GCLC: variants seen among roughly 807,000 people sequenced by gnomAD.
GCLC encodes glutamate-cysteine ligase catalytic subunit, also known as glutamate--cysteine ligase catalytic subunit.
Under a neutral mutation model 81.5 loss-of-function variants are expected in GCLC, and 30 were observed. The observed-to-expected ratio is 0.37, with a 90% CI of 0.28 to 0.50. GCLC has a LOEUF of 0.50. Ranked by LOEUF, GCLC falls within the 20% of genes least tolerant of loss-of-function variation. The pLI is 0.96. For synonymous variants in GCLC, 262 were observed against 273.3 expected (o/e 0.96, Z 0.41); for missense variants, 556 against 777.4 (o/e 0.72, Z 3.39).
chr6:53,500,213 C>A (rs1764480863), intron 14 of GCLC, 34 bp downstream of exon 14: 1 of 1,613,502 alleles, frequency 6.2e-7, no homozygotes, highest in Non-Finnish European at 8.5e-7. Flanking sequence ...GGGATGTGCA[C>A]AGTGAGGGGT....
At chr6:53,535,474 G>A (rs1240416106) in intron 1 of GCLC, among the ~76,000 whole-genome samples, 8 of 151,898 alleles carry the variant, frequency 5.3e-5, no homozygotes, top group Non-Finnish European at 7.4e-5. Flanking sequence ...AGATTGCACC[G>A]CTGCACTACA....
intron 3 of GCLC, among the ~76,000 whole-genome samples, chr6:53,519,046 C>T (rs977603247): frequency 6.6e-6 from 1 of 152,182 alleles, no homozygotes; most frequent in African/African-American, 2.4e-5. Flanking sequence ...CACTCACCTC[C>T]TAGTAAGCCC....
At position 53,544,896 on chromosome 6, in the gene GCLC, G is replaced by A. The variant is rs974926545; in HGVS notation, c.-251C>T. The A allele has an allele frequency of 1.2e-5, 4 of 330,424 alleles. No individual in the cohort carries two copies. The highest frequency in any genetic ancestry group is 4.4e-5 in the African/African-American group (2 of 45,836). The allele number at this position is 330,424 out of a possible 1,614,324, so 20.5% of individuals were successfully genotyped here. A position where few individuals can be genotyped will look rare whatever the true frequency, so the allele number is the denominator to read the frequency against. On this transcript the variant is annotated 5_prime_UTR_variant, in exon 1 of 16. Transcript: ENST00000650454. ...GAAGGCAGAAGACCGAGAGCAGGCGGGACGGCTCTCGGCCCGGCGGCCTCG... is the reference window on the plus strand; with the variant it reads ...GAAGGCAGAAGACCGAGAGCAGGCGAGACGGCTCTCGGCCCGGCGGCCTCG...
At chr6:53,508,937 G>A (rs1050931362) in intron 7 of GCLC, among the ~76,000 whole-genome samples, 1 of 152,124 alleles carries the variant, frequency 6.6e-6, no homozygotes, top group Non-Finnish European at 1.5e-5. Context: ...GAAGTATGGG[G>A]GAGGGAAAAT....
intron 1 of GCLC, chr6:53,523,443 T>C (rs374577021): frequency 1.3e-5 from 2 of 152,184 alleles, no homozygotes; most frequent in Non-Finnish European, 2.9e-5. Context: ...ACTACAGAGG[T>C]AGGAAACTGA....
chr6:53,507,043 A>C lies in GCLC; in HGVS notation c.1085-18T>G. ...ATCAATGCCTGCAAAAAGAGATCAC[A>C]TGGGAACTCACTGCAAAGCGAGAGA... On this transcript the variant is annotated intron_variant, in intron 9 of 15. Transcript: ENST00000650454. 1 of 1,341,762 alleles carries C rather than the reference A, an allele frequency of 7.5e-7. No individual in the cohort carries two copies. Among genetic ancestry groups the C allele is most frequent in the Middle Eastern group, 1.8e-4 (1 of 5,544 alleles). 83.1% of individuals were successfully genotyped at this position (1,341,762 alleles called of 1,614,324 possible).
intron 15 of GCLC, among the ~76,000 whole-genome samples, chr6:53,499,775 A>G (rs188199102): frequency 2.3e-4 from 35 of 152,324 alleles, no homozygotes; most frequent in African/African-American, 7.9e-4. Context: ...GACGTAAATG[A>G]TAAGTAAGCA....
In GCLC at chr6:53,506,321, A is replaced by G; in HGVS notation, c.1198-426T>C. The G allele has an allele frequency of 1.5e-5, 4 of 274,618 alleles. No homozygotes were observed. The South Asian group carries it at 1.6e-4, about 11-fold the overall frequency. 17.0% of individuals were successfully genotyped at this position (274,618 alleles called of 1,614,324 possible). Reference sequence around the variant, plus strand: ...TCCTGGGAATGCTGCTGCTTCGATGACCCAAGAGCCTAAGAAGGGTAGCTG... The same window carrying G: ...TCCTGGGAATGCTGCTGCTTCGATGGCCCAAGAGCCTAAGAAGGGTAGCTG... On this transcript the variant is annotated intron_variant, in intron 10 of 15. Transcript: ENST00000650454. This position sits in a 1 kb window ranked among gnomAD's most constrained non-coding sequence, Gnocchi z 4.0.
intron 6 of GCLC, chr6:53,509,530 G>A (rs990311969): frequency 4.0e-5 from 21 of 525,290 alleles, no homozygotes; most frequent in Non-Finnish European, 6.8e-5. Flanking sequence ...ATAAGACACA[G>A]ACATACGATG....
At chr6:53,511,708 T>C (rs897799487) in intron 6 of GCLC, among the ~76,000 whole-genome samples, 2 of 151,222 alleles carry the variant, frequency 1.3e-5, no homozygotes, top group Non-Finnish European at 2.9e-5. Flanking sequence ...CTTAAAAAGC[T>C]ATGAATACAT....
At chr6:53,511,388 AG>A (rs753636291) in intron 6 of GCLC, among the ~76,000 whole-genome samples, 1 of 152,266 alleles carries the variant, frequency 6.6e-6, no homozygotes, top group South Asian at 2.1e-4. Flanking sequence ...TAGATTTTTT[AG>A]GTCTTTTTTG....
At chr6:53,507,441 G>GCGTA (rs1199295746) in intron 9 of GCLC, 39 bp downstream of exon 9, 2 of 1,606,182 alleles carry the variant, frequency 1.2e-6, no homozygotes, top group African/African-American at 2.7e-5. Flanking sequence ...AGAACTAAAG[G>GCGTA]CGTACATTCA....
At chr6:53,516,781 CCT>C (rs1326725524) in intron 3 of GCLC, among the ~76,000 whole-genome samples, 2 of 152,282 alleles carry the variant, frequency 1.3e-5, no homozygotes, top group South Asian at 2.1e-4. Flanking sequence ...CCCATCTACC[CCT>C]GAGATCACCC....
chr6:53,517,758 G>A (rs961175476), intron 3 of GCLC, among the ~76,000 whole-genome samples: 3 of 152,154 alleles, frequency 2.0e-5, no homozygotes, highest in African/African-American at 7.2e-5. Context: ...CTGTCCCACA[G>A]AACTTTCTGG....
intron 6 of GCLC, chr6:53,509,722 C>T (rs1269941933): frequency 1.1e-5 from 2 of 185,132 alleles, no homozygotes. Flanking sequence ...GCTCTCGGCT[C>T]ACTGAAAGCT....
intron 1 of GCLC, among the ~76,000 whole-genome samples, chr6:53,531,520 G>A (rs1327913770): frequency 6.6e-6 from 1 of 152,112 alleles, no homozygotes; most frequent in East Asian, 1.9e-4. Context: ...CTCCTAAAGA[G>A]CATTAGGACC....
chr6:53,500,429 TACCTTTGCA>T lies in GCLC; in HGVS notation c.1471_1477+2del. 1 of 1,605,516 alleles carries T rather than the reference TACCTTTGCA, an allele frequency of 6.2e-7. No homozygotes were observed. The highest frequency in any genetic ancestry group is 8.5e-7 in the Non-Finnish European group (1 of 1,172,070). ...ACATTAGAAATCTAAGATAATGTAATACCTTTGCAAATATCTTTCCTGAAATAAAACATT... is the reference window on the plus strand; with the variant it reads ...ACATTAGAAATCTAAGATAATGTAATAATATCTTTCCTGAAATAAAACATT... On this transcript the variant is annotated splice_donor_variant and coding_sequence_variant, in exon 13 of 16. Transcript: ENST00000650454. LOFTEE classifies it high-confidence loss of function.
intron 1 of GCLC, among the ~76,000 whole-genome samples, chr6:53,532,771 G>A (rs950904752): frequency 2.0e-5 from 3 of 151,964 alleles, no homozygotes; most frequent in South Asian, 2.1e-4. Flanking sequence ...CAGAATCTTG[G>A]GGGAGGGGGA....
intron 1 of GCLC, among the ~76,000 whole-genome samples, chr6:53,540,948 C>T (rs1363747564): frequency 1.3e-5 from 2 of 152,208 alleles, no homozygotes; most frequent in Non-Finnish European, 2.9e-5. Context: ...GGCACACTGG[C>T]TCATGCCTGT....
Sources: gnomAD v4.1 joint callset for allele counts (sites outside exome capture counted in the v4.1 genomes callset) on GRCh38, gnomAD v4.1.1 for gene constraint, Gnocchi (gnomAD v3.1) non-coding constraint, MANE v1.5 for transcripts, NCBI Gene and HGNC (gene_info 2026-07-23, HGNC 2026-07-21) for gene names.